TULP3: variants seen among roughly 807,000 people sequenced by gnomAD.
TULP3 encodes tubby-related protein 3.
A neutral mutation model predicts 50.7 loss-of-function variants in TULP3; 38 were observed. The observed-to-expected ratio is 0.75, with a 90% CI of 0.58 to 0.98. The LOEUF (loss-of-function observed/expected upper bound fraction) is 0.98. TULP3 is among the 50% of genes least tolerant of loss of function. TULP3 has a pLI of 0.00. For synonymous variants in TULP3, 183 were observed against 196.6 expected, an observed-to-expected ratio of 0.93 and a Z score of 0.58; for missense variants, 550 against 568.0, an observed-to-expected ratio of 0.97 and a Z score of 0.32.
intron 2 of TULP3, 21 bp from the exon 3 acceptor site, chr12:2,920,742 G>A (rs779858558): frequency 7.4e-6 from 12 of 1,613,094 alleles, no homozygotes; most frequent in Non-Finnish European, 1.0e-5. Context: ...CTTGCTGGCT[G>A]TCATATCGCT....
intron 2 of TULP3, among the ~76,000 whole-genome samples, chr12:2,913,080 T>C (rs1206208558): frequency 6.6e-6 from 1 of 151,942 alleles, no homozygotes; most frequent in Non-Finnish European, 1.5e-5. Context: ...AGCCAGTTTT[T>C]CCACATTCTT....
intron 5 of TULP3, among the ~76,000 whole-genome samples, chr12:2,930,687 T>G (rs920502964): frequency 3.9e-5 from 6 of 152,168 alleles, no homozygotes; most frequent in Non-Finnish European, 8.8e-5. Flanking sequence ...CCTCCCAAAG[T>G]GCTGGGATTA....
chr12:2,907,449 T>C (rs1175037798), intron 1 of TULP3, among the ~76,000 whole-genome samples: 3 of 138,352 alleles, frequency 2.2e-5, no homozygotes, highest in Non-Finnish European at 4.5e-5. Context: ...CACTCCAGCC[T>C]GGGCGACAGA....
chr12:2,899,201 C>T (rs539885740), intron 1 of TULP3, among the ~76,000 whole-genome samples: 20 of 151,890 alleles, frequency 1.3e-4, no homozygotes, highest in African/African-American at 3.9e-4. Context: ...CAAAATTAGC[C>T]GGGCATGGTG....
At chr12:2,893,243 T>G (rs919883073) in intron 1 of TULP3, among the ~76,000 whole-genome samples, 2 of 152,094 alleles carry the variant, frequency 1.3e-5, no homozygotes, top group African/African-American at 4.8e-5. Context: ...TAGTGCAACT[T>G]CTATCAGTGT....
chr12:2,933,402 C>A lies in TULP3; in HGVS notation c.697-16C>A, dbSNP rs1422521351. ...CTCTGGACTTCATTTTTGACTGACACTTTTTCTTTTCCCAGATATTTCTTC... is the reference window on the plus strand; with the variant it reads ...CTCTGGACTTCATTTTTGACTGACAATTTTTCTTTTCCCAGATATTTCTTC... On this transcript the variant is annotated splice_polypyrimidine_tract_variant and intron_variant, in intron 6 of 10. Transcript: ENST00000448120. The A allele has an allele frequency of 5.7e-6, 9 of 1,580,212 alleles. No individual in the cohort carries two copies. The highest frequency in any genetic ancestry group is 7.8e-6 in the Non-Finnish European group (9 of 1,149,524).
At chr12:2,902,066 C>T (rs1218569180) in intron 1 of TULP3, among the ~76,000 whole-genome samples, 1 of 152,168 alleles carries the variant, frequency 6.6e-6, no homozygotes, top group Non-Finnish European at 1.5e-5. Flanking sequence ...TTGTCTCACA[C>T]ATACTATGTT....
intron 4 of TULP3, among the ~76,000 whole-genome samples, chr12:2,923,995 CA>C: frequency 1.3e-5 from 2 of 152,072 alleles, no homozygotes; most frequent in East Asian, 3.9e-4. Flanking sequence ...ACAACAACAA[CA>C]GAAGTAAAGT....
At chr12:2,930,787 C>G (rs2098197539) in intron 5 of TULP3, 1 of 573,480 alleles carries the variant, frequency 1.7e-6, no homozygotes, top group Non-Finnish European at 3.1e-6. Context: ...AGTGTAAGCT[C>G]AAATTTAGTT....
At chr12:2,916,560 A>G (rs1212123675) in intron 2 of TULP3, among the ~76,000 whole-genome samples, 4 of 152,204 alleles carry the variant, frequency 2.6e-5, no homozygotes, top group Non-Finnish European at 5.9e-5. Flanking sequence ...CATTTAGGGC[A>G]TCTAACCATC....
intron 6 of TULP3, 145 bp downstream of exon 6, chr12:2,931,385 G>A: frequency 1.3e-6 from 1 of 761,258 alleles, no homozygotes; most frequent in South Asian, 1.9e-5. Flanking sequence ...CAGATGCTGT[G>A]TTCTCATTTT....
intron 2 of TULP3, among the ~76,000 whole-genome samples, chr12:2,913,367 C>G (rs1039448525): frequency 4.0e-5 from 6 of 151,610 alleles, no homozygotes; most frequent in Non-Finnish European, 7.4e-5. Context: ...CCCACCCCAG[C>G]CTCCCAAGTA....
At chr12:2,933,656 G>GT in intron 7 of TULP3, 126 bp downstream of exon 7, 1 of 507,800 alleles carries the variant, frequency 2.0e-6, no homozygotes, top group Non-Finnish European at 3.2e-6. Context: ...AAAAGAAAAA[G>GT]GAAAAAAAAA....
At chr12:2,896,665 T>C (rs945633381) in intron 1 of TULP3, among the ~76,000 whole-genome samples, 6 of 152,204 alleles carry the variant, frequency 3.9e-5, no homozygotes, top group African/African-American at 1.4e-4. Flanking sequence ...AATAAAATTA[T>C]TGCTATTTAG....
In TULP3 at chr12:2,934,619, T is replaced by C. The variant is rs2098200052; in HGVS notation, c.924+58T>C. 4 of 1,141,252 alleles carry C rather than the reference T, an allele frequency of 3.5e-6. No homozygotes were observed. In the South Asian group the frequency reaches 7.5e-5, roughly 21 times the overall value. 70.7% of individuals were successfully genotyped at this position (1,141,252 alleles called of 1,614,324 possible). A position where few individuals can be genotyped will look rare whatever the true frequency, so the allele number is the denominator to read the frequency against. On this transcript the variant is annotated intron_variant, in intron 8 of 10. Coordinates refer to ENST00000448120, the MANE Select transcript of TULP3 (RefSeq NM_003324.5). ...CCTCCTGGTGTCCTGCTGGCACTTT[T>C]CACCTAGTGTCGCTGAAGAACCTCC...
intron 8 of TULP3, among the ~76,000 whole-genome samples, chr12:2,935,508 G>C: frequency 6.6e-6 from 1 of 152,180 alleles, no homozygotes; most frequent in Non-Finnish European, 1.5e-5. Context: ...AAGAGTTGTT[G>C]AGTAAGAGAA....
At chr12:2,923,097 C>G (rs551321734) in intron 4 of TULP3, among the ~76,000 whole-genome samples, 2 of 151,890 alleles carry the variant, frequency 1.3e-5, no homozygotes, top group Non-Finnish European at 1.5e-5. Flanking sequence ...CCTGGTGATC[C>G]GCCCGCCTCG....
chr12:2,933,418 A>G lies in TULP3; in HGVS notation c.697A>G (p.Ile233Val), dbSNP rs1164693731. 1.9e-6 allele frequency: 3 copies of G among 1,606,904 alleles called. No homozygotes were observed. Among genetic ancestry groups the G allele is most frequent in the South Asian group, 2.2e-5 (2 of 90,886 alleles). The change falls in exon 7 of 11, where the codon ATA becomes GTA. Residue 233 changes from isoleucine (I) to valine (V), a missense_variant and splice_region_variant. By Grantham distance (29) the Ile-to-Val change is conservative. Coordinates refer to ENST00000448120, the MANE Select transcript of TULP3 (RefSeq NM_003324.5). ...TGACTGACACTTTTTCTTTTCCCAGATATTTCTTCTTGCAGCTAGAAAGCG... is the reference window on the plus strand; with the variant it reads ...TGACTGACACTTTTTCTTTTCCCAGGTATTTCTTCTTGCAGCTAGAAAGCG... ...MYLEKEENQK[I>V]FLLAARKRKK...
At chr12:2,907,170 T>G (rs1436339712) in intron 1 of TULP3, among the ~76,000 whole-genome samples, 3 of 151,824 alleles carry the variant, frequency 2.0e-5, no homozygotes, top group African/African-American at 7.3e-5. Context: ...AAACCCCATC[T>G]CTACTAAAAA....
Sources: allele counts gnomAD v4.1 joint callset (sites outside exome capture counted in the v4.1 genomes callset), GRCh38; gene constraint gnomAD v4.1.1; transcripts MANE v1.5; gene names NCBI Gene and HGNC (gene_info 2026-07-23, HGNC 2026-07-21).